The following ZP2 variants were observed in gnomAD, a reference collection of about 807,000 sequenced individuals.
ZP2 encodes zona pellucida glycoprotein 2.
Under a neutral mutation model 84.0 loss-of-function variants are expected in ZP2, and 51 were observed. The ratio of observed to expected loss-of-function variants is 0.61; its 90% CI spans 0.49 to 0.77. The LOEUF is 0.77. Among genes scored for constraint, ZP2 ranks in the 30% least tolerant of loss-of-function variants. The probability of loss-of-function intolerance (pLI) is 0.00; values close to 1 mark genes in which losing one functional copy is unlikely to be tolerated. For missense variants in ZP2, 909 were observed against 911.9 expected (o/e 1.00, Z 0.04); for synonymous variants, 375 against 330.9 (o/e 1.13, Z -1.45).
chr16:21,203,497 G>A (rs2093235722), intron 9 of ZP2, among the ~76,000 whole-genome samples: 2 of 152,170 alleles, frequency 1.3e-5, no homozygotes, highest in Admixed American at 1.3e-4. Context: ...AGGCACTAAA[G>A]CTTGAATTAG....
chr16:21,207,346 C>T (rs2093254528), intron 4 of ZP2, among the ~76,000 whole-genome samples: 1 of 152,170 alleles, frequency 6.6e-6, no homozygotes, highest in Admixed American at 6.5e-5. Context: ...CTGGGTAGAG[C>T]TACCCTTGCT....
At chr16:21,199,507 A>G (rs1192921841) in intron 16 of ZP2, 63 bp downstream of exon 16, 10 of 1,379,452 alleles carry the variant, frequency 7.2e-6, no homozygotes, top group Non-Finnish European at 9.8e-6. Flanking sequence ...AAGATCTTCT[A>G]TTCTAAAAAG....
intron 4 of ZP2, 123 bp from the exon 5 acceptor site, chr16:21,207,113 G>C: frequency 1.7e-6 from 2 of 1,166,120 alleles, no homozygotes; most frequent in South Asian, 2.9e-5. Flanking sequence ...GTGCTGGAAG[G>C]TACCTCATTC....
chr16:21,204,550 G>A (rs1026671028), intron 7 of ZP2, 146 bp from the exon 8 acceptor site: 2 of 670,710 alleles, frequency 3.0e-6, no homozygotes, highest in South Asian at 1.9e-5. Context: ...TGACTAATTT[G>A]TCTAATCTGG....
In ZP2 at chr16:21,205,406, A is replaced by T; in HGVS notation, c.693+14T>A. On this transcript the variant is annotated intron_variant, in intron 7 of 18. Transcript: ENST00000574091. ...CTGTGCTTTGGTGGTACAAAGCCAG[A>T]CTTCCACACCTACCACATAGTGAGT... The T allele has an allele frequency of 6.2e-7, 1 of 1,612,258 alleles. No individual in the cohort carries two copies. The highest frequency in any genetic ancestry group is 8.5e-7 in the Non-Finnish European group (1 of 1,179,086).
At chr16:21,207,678 A>ACC (rs2093256567) in intron 4 of ZP2, among the ~76,000 whole-genome samples, 1 of 132,842 alleles carries the variant, frequency 7.5e-6, no homozygotes, top group Admixed American at 7.8e-5. Context: ...ACACACACAC[A>ACC]CACCACAAAA....
At chr16:21,211,905 A>G (rs562639139), upstream of ZP2, among the ~76,000 whole-genome samples, 20 of 152,078 alleles carry the variant, frequency 1.3e-4, no homozygotes, top group African/African-American at 4.6e-4. Flanking sequence ...TTGAGAAAAA[A>G]ACAAGTCTTG....
intron 3 of ZP2, 108 bp from the exon 4 acceptor site, chr16:21,209,833 T>C: frequency 1.0e-6 from 1 of 978,084 alleles, no homozygotes; most frequent in Non-Finnish European, 1.6e-6. Context: ...TTCAGTCCCT[T>C]CACTTCCGCC....
intron 9 of ZP2, 134 bp downstream of exon 9, chr16:21,203,896 G>T: frequency 1.2e-6 from 1 of 860,576 alleles, no homozygotes; most frequent in Non-Finnish European, 1.9e-6. Context: ...ATCAAATGAG[G>T]CCTTTTGGAG....
intron 7 of ZP2, 151 bp downstream of exon 7, chr16:21,205,269 A>C: frequency 1.1e-6 from 1 of 885,164 alleles, no homozygotes; most frequent in Non-Finnish European, 1.7e-6. Flanking sequence ...CTGGGATTAC[A>C]GGTGTGAATA....
intron 4 of ZP2, among the ~76,000 whole-genome samples, chr16:21,207,574 T>C (rs964720051): frequency 6.6e-5 from 10 of 151,514 alleles, no homozygotes; most frequent in Admixed American, 1.3e-4. Flanking sequence ...CTGCTTGAGC[T>C]CAGGAGTTCA....
At position 21,211,555 on chromosome 16, in the gene ZP2, G is replaced by T; in HGVS notation, c.-8C>A. The T allele has an allele frequency of 1.2e-6, 2 of 1,614,104 alleles. No homozygotes were observed. Among genetic ancestry groups the T allele is most frequent in the Middle Eastern group, 1.6e-4 (1 of 6,062 alleles). ...TCTCTGCCTGCACGCCATAGCAGAAGACACTACCAGATCAACCAGGTAGAG... is the reference window on the plus strand; with the variant it reads ...TCTCTGCCTGCACGCCATAGCAGAATACACTACCAGATCAACCAGGTAGAG... On this transcript the variant is annotated 5_prime_UTR_variant, in exon 1 of 19. Coordinates refer to ENST00000574091, the MANE Select transcript of ZP2 (RefSeq NM_001376232.1).
In ZP2 at chr16:21,211,513, G is replaced by A. The variant is rs2152856947; in HGVS notation, c.35C>T (p.Pro12Leu). The stretch of plus-strand genomic sequence containing the variant: ...CCAGCCTGCATTGAACCAGCCTGAG[G>A]GACTCCAAGAGCCTCCTCTCTGCCT... ...ACRQRGGSWS[P>L]SGWFNAGWST... The change falls in exon 1 of 19, where the codon CCC becomes CTC. Residue 12 changes from proline (P) to leucine (L), a missense_variant. Pro to Leu is a moderately conservative substitution (Grantham distance 98). Transcript: ENST00000574091. The A allele has an allele frequency of 6.2e-7, 1 of 1,614,140 alleles. No homozygotes were observed. The highest frequency in any genetic ancestry group is 8.5e-7 in the Non-Finnish European group (1 of 1,180,032).
rs754857536 is a variant in ZP2, at chr16:21,201,377, G to A, written c.1686C>T (p.Val562=). 1.9e-5 allele frequency: 30 copies of A among 1,573,986 alleles called. No homozygotes were observed. The East Asian group carries it at 2.0e-4, about 11-fold the overall frequency. Residue 562 remains valine, a synonymous_variant, in exon 14 of 19, where the codon GTC becomes GTT. Coordinates refer to ENST00000574091, the MANE Select transcript of ZP2 (RefSeq NM_001376232.1). ...DPDSFPQWNV[V]VDGCAYDLDN... ...GTACAGGGAGTACCTACCCATCCAC[G>A]ACAACGTTCCACTGGGGGAAAGAGT...
At chr16:21,208,338 G>T (rs886551045) in intron 4 of ZP2, among the ~76,000 whole-genome samples, 2 of 152,158 alleles carry the variant, frequency 1.3e-5, no homozygotes, top group African/African-American at 2.4e-5. Flanking sequence ...GAAATTATCA[G>T]GTTTTTCATG....
Position 21,199,732 on chromosome 16 carries a change from G to A in ZP2, c.1830+11C>T, listed in dbSNP as rs745716357. On this transcript the variant is annotated intron_variant, in intron 15 of 18. Transcript: ENST00000574091. ...ATTTAACCTGTCCCTGGTGACTTCT[G>A]AATCACTTACCAGGCTAGAGAGCAC... 4 of 1,612,782 alleles carry A rather than the reference G, an allele frequency of 2.5e-6. No homozygotes were observed. The highest frequency in any genetic ancestry group is 2.2e-5 in the East Asian group (1 of 44,824).
In ZP2 at chr16:21,205,506, T is replaced by C. The variant is rs2093245386; in HGVS notation, c.607A>G (p.Met203Val). The C allele has an allele frequency of 1.2e-6, 2 of 1,614,094 alleles. No individual in the cohort carries two copies. The highest frequency in any genetic ancestry group is 2.2e-5 in the South Asian group (2 of 91,080). ...RAKTLTLPEA[M>V]KEGFSLLIDN... ...ATCAAGAGGCTGAAGCCTTCCTTCA[T>C]GGCCTCTGGCAGGGTCAGAGTTTTG... The change falls in exon 7 of 19, where the codon ATG (methionine) becomes GTG (valine). Residue 203 changes from methionine to valine, a missense_variant. Physicochemically the swap from Met to Val is conservative, Grantham distance 21. Coordinates refer to ENST00000574091, the MANE Select transcript of ZP2 (RefSeq NM_001376232.1).
At chr16:21,209,449 G>A (rs564501591) in intron 4 of ZP2, among the ~76,000 whole-genome samples, 182 bp downstream of exon 4, 3 of 152,284 alleles carry the variant, frequency 2.0e-5, no homozygotes, top group East Asian at 1.9e-4. Flanking sequence ...GATTATAGGC[G>A]TGAGCCATCA....
chr16:21,210,062 G>A lies in ZP2; in HGVS notation c.235+47C>T, dbSNP rs768573245. On this transcript the variant is annotated intron_variant, in intron 3 of 18. Coordinates refer to ENST00000574091, the MANE Select transcript of ZP2 (RefSeq NM_001376232.1). ...CCAAACAGGATTGACCTAAGCCAAA[G>A]GCTGTCTGCTAATCAGGACTATGAG... 9.6e-6 allele frequency: 15 copies of A among 1,557,060 alleles called. No individual in the cohort carries two copies. In the South Asian group the frequency reaches 1.4e-4, roughly 15 times the overall value.
Sources: gnomAD v4.1 joint callset for allele counts (sites outside exome capture counted in the v4.1 genomes callset) on GRCh38, gnomAD v4.1.1 for gene constraint, MANE v1.5 for transcripts, NCBI Gene and HGNC (gene_info 2026-07-23, HGNC 2026-07-21) for gene names.